Variants in ROBO1 observed in about 807,000 individuals in gnomAD.
ROBO1 encodes the protein roundabout homolog 1.
In ROBO1, 149 loss-of-function variants were observed where a neutral mutation model predicts 195.9. The ratio of observed to expected loss-of-function variants is 0.76; its 90% CI spans 0.67 to 0.87. The LOEUF (loss-of-function observed/expected upper bound fraction) is 0.87. Ranked by LOEUF, ROBO1 falls within the 40% of genes least tolerant of loss-of-function variation. The pLI is 0.00. For missense variants in ROBO1, 1,933 were observed against 2,068.3 expected, an observed-to-expected ratio of 0.93 and a Z score of 1.27; for synonymous variants, 816 against 733.2, an observed-to-expected ratio of 1.11 and a Z score of -1.82.
At chr3:78,950,826 G>T (rs2040737970) in intron 3 of ROBO1, among the ~76,000 whole-genome samples, 1 of 151,914 alleles carries the variant, frequency 6.6e-6, no homozygotes, top group Admixed American at 6.6e-5. Context: ...AATAAATGGA[G>T]ATATAAAGCT....
chr3:78,852,291 T>C (rs888246696), intron 4 of ROBO1, among the ~76,000 whole-genome samples: 3 of 152,176 alleles, frequency 2.0e-5, no homozygotes, highest in Non-Finnish European at 4.4e-5. Flanking sequence ...CTCTGTAACA[T>C]ATCTAGAGAC....
chr3:79,283,414 G>A (rs1220243240), intron 2 of ROBO1, among the ~76,000 whole-genome samples: 1 of 152,106 alleles, frequency 6.6e-6, no homozygotes, highest in East Asian at 1.9e-4. Flanking sequence ...CCTTCAATGG[G>A]TCTCAAGAAT....
chr3:79,312,858 T>G (rs1260058471), intron 2 of ROBO1, among the ~76,000 whole-genome samples: 1 of 152,232 alleles, frequency 6.6e-6, no homozygotes, highest in Non-Finnish European at 1.5e-5. Flanking sequence ...GAGTCTCTAA[T>G]TCAGCATATT....
chr3:78,882,019 C>A (rs969291852), intron 4 of ROBO1, among the ~76,000 whole-genome samples: 2 of 151,964 alleles, frequency 1.3e-5, no homozygotes, highest in Non-Finnish European at 2.9e-5. Context: ...TGTTTATGTA[C>A]CTTGGAGCCT....
chr3:78,953,404 A>C (rs2040887299), intron 3 of ROBO1, among the ~76,000 whole-genome samples: 1 of 152,034 alleles, frequency 6.6e-6, no homozygotes, highest in South Asian at 2.1e-4. Context: ...AAATTCTCTC[A>C]ATCTCCCATC....
intron 2 of ROBO1, among the ~76,000 whole-genome samples, chr3:79,536,576 T>G (rs773275652): frequency 2.0e-5 from 3 of 152,296 alleles, no homozygotes; most frequent in Non-Finnish European, 2.9e-5. Flanking sequence ...GAAGAATTTT[T>G]CAAAGCATTT....
chr3:79,751,907 T>A (rs1408311334), intron 1 of ROBO1, among the ~76,000 whole-genome samples: 5 of 152,146 alleles, frequency 3.3e-5, no homozygotes, highest in Admixed American at 6.6e-5. Flanking sequence ...CTGGCCAGGG[T>A]CATTAAATAC....
At chr3:79,462,152 C>A (rs1455798597) in intron 2 of ROBO1, among the ~76,000 whole-genome samples, 3 of 152,022 alleles carry the variant, frequency 2.0e-5, no homozygotes, top group Admixed American at 6.6e-5. Flanking sequence ...AAAGTAGACA[C>A]TTTTTTTCCA....
At chr3:78,922,607 T>TC (rs1266396971) in intron 4 of ROBO1, among the ~76,000 whole-genome samples, 35 of 136,082 alleles carry the variant, frequency 2.6e-4, no homozygotes, top group African/African-American at 5.1e-4. Context: ...TTCTTCTTCT[T>TC]TTTTTTTTTT....
At chr3:78,994,670 C>T (rs1271953236) in intron 3 of ROBO1, among the ~76,000 whole-genome samples, 3 of 152,112 alleles carry the variant, frequency 2.0e-5, no homozygotes, top group South Asian at 4.1e-4. Context: ...GTTCTCTGTA[C>T]TCATAATGGA....
chr3:78,821,836 T>C (rs1010003590), intron 4 of ROBO1, among the ~76,000 whole-genome samples: 42 of 152,150 alleles, frequency 2.8e-4, no homozygotes, highest in African/African-American at 9.4e-4. Flanking sequence ...CCTGGGTCCT[T>C]ATTCTTTGCT....
chr3:79,197,958 T>C (rs2081674426), intron 2 of ROBO1, among the ~76,000 whole-genome samples: 1 of 151,946 alleles, frequency 6.6e-6, no homozygotes, highest in Non-Finnish European at 1.5e-5. Context: ...GATGGGTAGA[T>C]TGCAAAAATG....
chr3:79,589,688 A>G (rs1206581019), intron 2 of ROBO1, 136 bp downstream of exon 2: 1 of 671,848 alleles, frequency 1.5e-6, no homozygotes, highest in East Asian at 2.6e-5. Context: ...CTCATACTCA[A>G]GAAGACATTC....
At chr3:79,478,489 T>C (rs1399019513) in intron 2 of ROBO1, among the ~76,000 whole-genome samples, 1 of 151,208 alleles carries the variant, frequency 6.6e-6, no homozygotes, top group Non-Finnish European at 1.5e-5. Context: ...CGGTCTGACC[T>C]TCTCCCACTC....
intron 2 of ROBO1, among the ~76,000 whole-genome samples, chr3:79,502,701 T>TGGA (rs555549358): frequency 1.8e-3 from 71 of 39,586 alleles, no homozygotes; most frequent in African/African-American, 0.013. Flanking sequence ...AGTGGGGACT[T>TGGA]GGAGAATCTT....
intron 2 of ROBO1, among the ~76,000 whole-genome samples, chr3:79,238,486 T>C (rs1041685862): frequency 6.6e-6 from 1 of 152,212 alleles, no homozygotes; most frequent in African/African-American, 2.4e-5. Flanking sequence ...GATACAACTT[T>C]GGGTTCAATA....
chr3:79,421,554 T>A (rs1174996531), intron 2 of ROBO1, among the ~76,000 whole-genome samples: 1 of 152,026 alleles, frequency 6.6e-6, no homozygotes, highest in East Asian at 1.9e-4. Context: ...AAAGCAACAA[T>A]GGACTTTCCA....
chr3:79,146,877 G>A (rs1319405884), intron 2 of ROBO1, among the ~76,000 whole-genome samples: 1 of 151,732 alleles, frequency 6.6e-6, no homozygotes, highest in Non-Finnish European at 1.5e-5. Context: ...GGAAAGTTTA[G>A]ATTTTCTAAG....
At chr3:79,613,550 A>G (rs565051029) in intron 1 of ROBO1, among the ~76,000 whole-genome samples, 1 of 152,222 alleles carries the variant, frequency 6.6e-6, no homozygotes, top group East Asian at 1.9e-4. Context: ...AAGTTAAACC[A>G]TATCAATAAT....
Sources: gnomAD v4.1 joint callset for allele counts (sites outside exome capture counted in the v4.1 genomes callset) on GRCh38, gnomAD v4.1.1 for gene constraint, MANE v1.5 for transcripts, NCBI Gene and HGNC (gene_info 2026-07-23, HGNC 2026-07-21) for gene names.